The following GLRX3 variants were observed in gnomAD, a reference collection of about 807,000 sequenced individuals.
GLRX3 encodes glutaredoxin 3.
A neutral mutation model predicts 49.5 loss-of-function variants in GLRX3; 22 were observed. The ratio of observed to expected loss-of-function variants is 0.44; its 90% CI spans 0.32 to 0.63. The LOEUF (loss-of-function observed/expected upper bound fraction) is 0.63, where lower values mean the gene tolerates loss of function less well. GLRX3 is among the 30% of genes least tolerant of loss of function. The pLI is 0.05. For synonymous variants in GLRX3, 133 were observed against 140.0 expected (o/e 0.95, Z 0.35); for missense variants, 385 against 396.3 (o/e 0.97, Z 0.24).
intron 8 of GLRX3, among the ~76,000 whole-genome samples, chr10:130,174,131 A>ACATT (rs1862868802): frequency 6.6e-6 from 1 of 152,250 alleles, no homozygotes; most frequent in Non-Finnish European, 1.5e-5. Context: ...ATTGTATGGT[A>ACATT]TAAAGCCACA....
chr10:130,172,403 G>A (rs758086233), intron 8 of GLRX3, among the ~76,000 whole-genome samples: 2 of 152,170 alleles, frequency 1.3e-5, no homozygotes, highest in Non-Finnish European at 2.9e-5. Context: ...AAGCTGTCAG[G>A]TAAGAACATT....
At chr10:130,168,672 C>T (rs1450502656) in intron 6 of GLRX3, among the ~76,000 whole-genome samples, 1 of 152,174 alleles carries the variant, frequency 6.6e-6, no homozygotes, top group Non-Finnish European at 1.5e-5. Flanking sequence ...TGGTCTTGAT[C>T]TCCTGACCTC....
intron 1 of GLRX3, among the ~76,000 whole-genome samples, chr10:130,144,157 A>G (rs1321202269): frequency 2.0e-5 from 3 of 152,160 alleles, no homozygotes; most frequent in African/African-American, 4.8e-5. Context: ...ACTATACCAC[A>G]TTTAAAAAGT....
intron 2 of GLRX3, among the ~76,000 whole-genome samples, chr10:130,156,428 A>G (rs865869254): frequency 6.6e-5 from 10 of 152,240 alleles, no homozygotes; most frequent in African/African-American, 2.4e-4. Flanking sequence ...TAGGAGGGAC[A>G]TATACATTCA....
chr10:130,168,737 G>C (rs73391524), intron 6 of GLRX3, among the ~76,000 whole-genome samples: 2,799 of 152,280 alleles, frequency 0.018, 62 homozygotes, highest in East Asian at 0.1. Flanking sequence ...GTGAGCCACC[G>C]CGCCCAACCT....
intron 2 of GLRX3, among the ~76,000 whole-genome samples, chr10:130,148,460 T>C (rs113087183): frequency 9.7e-6 from 1 of 103,576 alleles, no homozygotes; most frequent in East Asian, 3.2e-4. Flanking sequence ...TTTTTTTTTT[T>C]AATGATGAAA....
chr10:130,151,506 C>T (rs1456395864), intron 2 of GLRX3, among the ~76,000 whole-genome samples: 29 of 152,064 alleles, frequency 1.9e-4, no homozygotes, highest in Non-Finnish European at 5.9e-5. Context: ...TTTCTCCTAA[C>T]GCTATCCCTC....
At chr10:130,157,858 C>A (rs975194291) in intron 2 of GLRX3, among the ~76,000 whole-genome samples, 1 of 151,990 alleles carries the variant, frequency 6.6e-6, no homozygotes, top group Non-Finnish European at 1.5e-5. Context: ...GAATGCAGAT[C>A]CTTTAAAAAT....
intron 7 of GLRX3, among the ~76,000 whole-genome samples, chr10:130,170,376 A>C (rs140182095): frequency 7.2e-5 from 11 of 152,296 alleles, no homozygotes; most frequent in Middle Eastern, 3.4e-3. Flanking sequence ...CACAGGGCAG[A>C]CTCTGGTTGC....
In GLRX3 at chr10:130,136,394, G is replaced by A; in HGVS notation, c.-27G>A. The A allele has an allele frequency of 1.6e-6, 2 of 1,246,956 alleles. No individual in the cohort carries two copies. The highest frequency in any genetic ancestry group is 2.0e-6 in the Non-Finnish European group (2 of 990,204). The allele number at this position is 1,246,956 out of a possible 1,614,324, so 77.2% of individuals were successfully genotyped here. A position where few individuals can be genotyped will look rare whatever the true frequency, so the allele number is the denominator to read the frequency against. On this transcript the variant is annotated 5_prime_UTR_variant, in exon 1 of 11. Transcript: ENST00000331244. ...CCGCCCACATCCGGCCGCCGGCACT[G>A]GATTGCTTCTGTCTGGCGGCGGCAG...
intron 2 of GLRX3, chr10:130,159,749 C>T (rs1862539080): frequency 8.2e-7 from 1 of 1,218,626 alleles, no homozygotes; most frequent in Non-Finnish European, 1.0e-6. Context: ...TTCACAGCCT[C>T]CAGGCATCTT....
chr10:130,149,777 CTT>C (rs67539009), intron 2 of GLRX3, among the ~76,000 whole-genome samples: 4 of 142,066 alleles, frequency 2.8e-5, no homozygotes, highest in Admixed American at 7.1e-5. Flanking sequence ...TTTCCTGTAG[CTT>C]TTTTTTTTTT....
intron 1 of GLRX3, among the ~76,000 whole-genome samples, chr10:130,142,556 G>A (rs1349710577): frequency 3.9e-5 from 6 of 152,038 alleles, no homozygotes; most frequent in Admixed American, 3.9e-4. Flanking sequence ...GGATTTTCTT[G>A]TATTAAAAAG....
rs919217943 is a variant in GLRX3 at position 130,179,406 on chromosome 10, T to C, written c.*14T>C. 3 of 1,395,610 alleles carry C rather than the reference T, an allele frequency of 2.1e-6. No homozygotes were observed. The highest frequency in any genetic ancestry group is 1.9e-5 in the Admixed American group (1 of 52,734). 86.5% of individuals were successfully genotyped at this position (1,395,610 alleles called of 1,614,324 possible). ...GGAGAAAATTAATAAATCTTAAACTTGGTGCCCAACTATTGTAAGAAATAT... is the reference window on the plus strand; with the variant it reads ...GGAGAAAATTAATAAATCTTAAACTCGGTGCCCAACTATTGTAAGAAATAT... On this transcript the variant is annotated 3_prime_UTR_variant, in exon 11 of 11. Coordinates refer to ENST00000331244, the MANE Select transcript of GLRX3 (RefSeq NM_006541.5).
intron 2 of GLRX3, among the ~76,000 whole-genome samples, chr10:130,154,192 G>A (rs1274479863): frequency 2.0e-5 from 3 of 152,218 alleles, no homozygotes; most frequent in Non-Finnish European, 4.4e-5. Flanking sequence ...TGTGGGTAAA[G>A]CGTAGTATTT....
Position 130,160,084 on chromosome 10 carries a change from G to A in GLRX3, c.276+15G>A. ...TGTTTTTCAAGGTAAGGATAAAGGT[G>A]GTACAAGAGATTATCCATTTGTAGG... On this transcript the variant is annotated intron_variant, in intron 3 of 10. Transcript: ENST00000331244. 1 of 1,506,414 alleles carries A rather than the reference G, an allele frequency of 6.6e-7. No individual in the cohort carries two copies. Among genetic ancestry groups the A allele is most frequent in the Non-Finnish European group, 9.2e-7 (1 of 1,082,582 alleles). The allele number at this position is 1,506,414 out of a possible 1,614,324, so 93.3% of individuals were successfully genotyped here.
chr10:130,143,701 C>CTTTT (rs59065659), intron 1 of GLRX3, among the ~76,000 whole-genome samples: 1 of 142,974 alleles, frequency 7.0e-6, no homozygotes, highest in Non-Finnish European at 1.5e-5. Context: ...CTAGAAAAAT[C>CTTTT]TTTTTTTTTT....
rs758219293 is a variant in GLRX3, at chr10:130,160,992, G to T, written c.473G>T (p.Arg158Leu). 3 of 1,609,818 alleles carry T rather than the reference G, an allele frequency of 1.9e-6. No homozygotes were observed. The highest frequency in any genetic ancestry group is 2.5e-6 in the Non-Finnish European group (3 of 1,177,080). Residue 158 changes from arginine to leucine, a missense_variant, in exon 4 of 11, where the codon CGC becomes CTC. Physicochemically the swap from Arg to Leu is moderately radical, Grantham distance 102 (BLOSUM62 -2). Transcript: ENST00000331244. ...LFMKGTPQEP[R>L]CGFSKQMVEI... ...ATGAAAGGAACTCCTCAAGAACCAC[G>T]CTGTGGTAAGAAGCTGCCTTTAACA...
intron 6 of GLRX3, among the ~76,000 whole-genome samples, chr10:130,168,873 G>C (rs996839557): frequency 3.3e-5 from 5 of 152,184 alleles, no homozygotes; most frequent in Admixed American, 2.0e-4. Flanking sequence ...ACTTGTGGCT[G>C]TATACAGATA....
Sources: gnomAD v4.1 joint callset for allele counts (sites outside exome capture counted in the v4.1 genomes callset) on GRCh38, gnomAD v4.1.1 for gene constraint, MANE v1.5 for transcripts, NCBI Gene and HGNC (gene_info 2026-07-23, HGNC 2026-07-21) for gene names.